PRKG1: variants seen among roughly 807,000 people sequenced by gnomAD.
PRKG1 encodes the protein protein kinase cGMP-dependent 1, also known as cGMP-dependent protein kinase 1.
In PRKG1, 35 loss-of-function variants were observed where a neutral mutation model predicts 88.1. The ratio of observed to expected loss-of-function variants is 0.40; its 90% CI spans 0.30 to 0.53. The LOEUF (loss-of-function observed/expected upper bound fraction) is 0.53, where lower values mean the gene tolerates loss of function less well. Among genes scored for constraint, PRKG1 ranks in the 20% least tolerant of loss-of-function variants. The pLI, the probability that PRKG1 is intolerant of heterozygous loss-of-function variation, is 0.59. For synonymous variants in PRKG1, 303 were observed against 292.5 expected (o/e 1.04, Z -0.37); for missense variants, 540 against 839.8 (o/e 0.64, Z 4.41).
intron 6 of PRKG1, among the ~76,000 whole-genome samples, chr10:52,060,664 C>CAATAT (rs765519159): frequency 3.7e-4 from 56 of 151,754 alleles, no homozygotes; most frequent in African/African-American, 1.3e-3. Flanking sequence ...GTATTGATAA[C>CAATAT]AATATAATAT....
chr10:51,322,867 A>G (rs1158599205), intron 2 of PRKG1, among the ~76,000 whole-genome samples: 3 of 152,180 alleles, frequency 2.0e-5, no homozygotes, highest in Non-Finnish European at 4.4e-5. Flanking sequence ...TAATCTTCCT[A>G]ACTACAGAAT....
chr10:51,787,215 G>A (rs1417156980), intron 3 of PRKG1, among the ~76,000 whole-genome samples: 4 of 152,102 alleles, frequency 2.6e-5, no homozygotes, highest in Non-Finnish European at 4.4e-5. Context: ...AAAAGTTAAA[G>A]CCTTTTAAGT....
chr10:51,505,650 C>T (rs1841177293), intron 3 of PRKG1, among the ~76,000 whole-genome samples: 1 of 151,984 alleles, frequency 6.6e-6, no homozygotes, highest in South Asian at 2.1e-4. Flanking sequence ...AATTTCAGAG[C>T]CTGTTATTGG....
chr10:51,613,500 G>A (rs957335279), intron 3 of PRKG1, among the ~76,000 whole-genome samples: 1 of 151,316 alleles, frequency 6.6e-6, no homozygotes, highest in Non-Finnish European at 1.5e-5. Context: ...AATTTTTTTA[G>A]TCCCTATTTC....
At chr10:51,404,839 A>G (rs780464772) in intron 2 of PRKG1, among the ~76,000 whole-genome samples, 3 of 152,168 alleles carry the variant, frequency 2.0e-5, no homozygotes, top group Non-Finnish European at 4.4e-5. Context: ...TCACCTCTAC[A>G]TCTATGCAAC....
chr10:51,989,567 A>G (rs1448317736), intron 5 of PRKG1, among the ~76,000 whole-genome samples: 1 of 149,860 alleles, frequency 6.7e-6, no homozygotes, highest in Non-Finnish European at 1.5e-5. Context: ...AGCTTTGGCT[A>G]TCAAGTCTAT....
At chr10:52,031,480 AT>A (rs1340496757) in intron 5 of PRKG1, among the ~76,000 whole-genome samples, 2 of 152,190 alleles carry the variant, frequency 1.3e-5, no homozygotes, top group African/African-American at 4.8e-5. Flanking sequence ...GACAATATAT[AT>A]ATTTGAAAGA....
At chr10:51,802,121 A>C (rs980254866) in intron 3 of PRKG1, among the ~76,000 whole-genome samples, 1 of 152,174 alleles carries the variant, frequency 6.6e-6, no homozygotes, top group Non-Finnish European at 1.5e-5. Context: ...TTTACACTCC[A>C]GCAGGCTAGT....
At chr10:51,461,592 AG>A (rs1209045624) in intron 2 of PRKG1, among the ~76,000 whole-genome samples, 1 of 152,154 alleles carries the variant, frequency 6.6e-6, no homozygotes, top group African/African-American at 2.4e-5. Flanking sequence ...CACATCATCT[AG>A]GGGGCAAGAG....
intron 1 of PRKG1, among the ~76,000 whole-genome samples, chr10:51,121,710 G>A (rs554304028): frequency 1.4e-4 from 21 of 152,086 alleles, no homozygotes; most frequent in Non-Finnish European, 2.6e-4. Context: ...ACCAAGATTG[G>A]TGTCAAAACT....
intron 2 of PRKG1, among the ~76,000 whole-genome samples, chr10:51,166,173 T>C (rs1398551650): frequency 1.3e-5 from 2 of 152,000 alleles, no homozygotes; most frequent in African/African-American, 4.8e-5. Flanking sequence ...TCCTTGATGG[T>C]TCACTCAATG....
At position 51,607,134 on chromosome 10, in the gene PRKG1, T is replaced by C. The variant is rs888406366; in HGVS notation, c.592+139298T>C. Among the ~76,000 whole-genome samples the C allele has an allele frequency of 2.6e-5, 4 of 152,192 alleles. No homozygotes were observed. In the East Asian group the frequency reaches 7.7e-4, roughly 29 times the overall value. On this transcript the variant is annotated intron_variant, in intron 3 of 17. Coordinates refer to ENST00000373980, the MANE Select transcript of PRKG1 (RefSeq NM_006258.4). ...CTATGTGGTAAAAATGGTCTTTAAA[T>C]GTGCATATCGAATTAGTAGACTCTC...
chr10:51,898,256 A>G (rs1841899602), intron 4 of PRKG1, among the ~76,000 whole-genome samples: 1 of 152,104 alleles, frequency 6.6e-6, no homozygotes, highest in Non-Finnish European at 1.5e-5. Context: ...CCCTCTTTCC[A>G]TTGTAATAAC....
intron 1 of PRKG1, among the ~76,000 whole-genome samples, chr10:51,051,437 C>T (rs1463662707): frequency 6.6e-6 from 1 of 152,048 alleles, no homozygotes; most frequent in African/African-American, 2.4e-5. Context: ...ATTTATTATT[C>T]TTGGCACCCT....
At chr10:52,168,962 G>C (rs1180982782) in intron 9 of PRKG1, among the ~76,000 whole-genome samples, 1 of 152,132 alleles carries the variant, frequency 6.6e-6, no homozygotes, top group Non-Finnish European at 1.5e-5. Flanking sequence ...GGCAGGTCTG[G>C]TGCTCAGACA....
chr10:51,242,925 T>C (rs1839190984), intron 2 of PRKG1, among the ~76,000 whole-genome samples: 3 of 152,124 alleles, frequency 2.0e-5, no homozygotes, highest in Admixed American at 2.0e-4. Flanking sequence ...ATTTAATTTC[T>C]CTCTTGGAAA....
chr10:51,560,346 T>C (rs1304799005), intron 3 of PRKG1, among the ~76,000 whole-genome samples: 1 of 152,150 alleles, frequency 6.6e-6, no homozygotes, highest in Non-Finnish European at 1.5e-5. Flanking sequence ...AGCTAATTTC[T>C]AGAACATGTA....
intron 3 of PRKG1, among the ~76,000 whole-genome samples, chr10:51,540,056 C>T (rs1314173511): frequency 1.3e-5 from 2 of 152,068 alleles, no homozygotes; most frequent in African/African-American, 4.8e-5. Flanking sequence ...ATGTTTTTGC[C>T]ACCTGGCTCA....
intron 9 of PRKG1, among the ~76,000 whole-genome samples, chr10:52,199,548 C>G (rs1273457882): frequency 6.6e-6 from 1 of 152,160 alleles, no homozygotes; most frequent in East Asian, 1.9e-4. Flanking sequence ...CTTCTCATAA[C>G]TATTATCTGC....
Sources: gnomAD v4.1 joint callset for allele counts (sites outside exome capture counted in the v4.1 genomes callset) on GRCh38, gnomAD v4.1.1 for gene constraint, MANE v1.5 for transcripts, NCBI Gene and HGNC (gene_info 2026-07-23, HGNC 2026-07-21) for gene names.